The following MSH4 variants were observed in gnomAD, a reference collection of about 807,000 sequenced individuals.
The protein encoded by MSH4 is mutS protein homolog 4.
MSH4 carries 106 observed loss-of-function variants against 113.7 expected under a neutral mutation model. That is an observed-to-expected ratio of 0.93 (90% CI 0.80 to 1.10). The LOEUF is 1.10. MSH4 is among the 50% of genes least tolerant of loss of function. MSH4 has a pLI of 0.00. For synonymous variants in MSH4, 368 were observed against 380.2 expected (o/e 0.97, Z 0.37); for missense variants, 1,061 against 1,093.7 (o/e 0.97, Z 0.42).
At chr1:75,799,233 T>C (rs893580987) in intron 1 of MSH4, among the ~76,000 whole-genome samples, 1 of 152,194 alleles carries the variant, frequency 6.6e-6, no homozygotes, top group African/African-American at 2.4e-5. Context: ...GGCTTCTTAC[T>C]AGGCAGACGG....
At chr1:75,843,698 G>A (rs1281711926) in intron 7 of MSH4, among the ~76,000 whole-genome samples, 1 of 152,074 alleles carries the variant, frequency 6.6e-6, no homozygotes. Flanking sequence ...AATTACCATA[G>A]AAACAGAAAA....
intron 9 of MSH4, among the ~76,000 whole-genome samples, chr1:75,876,201 G>A (rs942223973): frequency 6.6e-6 from 1 of 152,108 alleles, no homozygotes; most frequent in African/African-American, 2.4e-5. Context: ...TTAAGTCGGG[G>A]TTGGGGAAGG....
chr1:75,811,627 C>T (rs1479383594), intron 4 of MSH4, among the ~76,000 whole-genome samples: 1 of 152,208 alleles, frequency 6.6e-6, no homozygotes, highest in African/African-American at 2.4e-5. Flanking sequence ...TAGTGTCTAT[C>T]TGTAGGACTG....
At chr1:75,904,769 CATT>C (rs1041382545) in intron 19 of MSH4, among the ~76,000 whole-genome samples, 1 of 151,996 alleles carries the variant, frequency 6.6e-6, no homozygotes, top group African/African-American at 2.4e-5. Flanking sequence ...ACTTCAATCT[CATT>C]ATTCATTATA....
At chr1:75,822,060 T>C (rs1167976168) in intron 6 of MSH4, among the ~76,000 whole-genome samples, 1 of 152,052 alleles carries the variant, frequency 6.6e-6, no homozygotes, top group Non-Finnish European at 1.5e-5. Flanking sequence ...GGCAGGCGGA[T>C]CACAAGGTCA....
chr1:75,906,979 G>A (rs185551914), intron 19 of MSH4, among the ~76,000 whole-genome samples: 14 of 151,748 alleles, frequency 9.2e-5, no homozygotes, highest in South Asian at 4.2e-4. Context: ...GACTACAGGC[G>A]CCCACCACCA....
intron 9 of MSH4, among the ~76,000 whole-genome samples, chr1:75,873,495 T>C (rs898293886): frequency 9.9e-5 from 15 of 152,232 alleles, no homozygotes; most frequent in African/African-American, 3.6e-4. Context: ...GTTGTACAGA[T>C]TATTTCACCA....
At chr1:75,869,262 G>A (rs1265257769) in intron 9 of MSH4, among the ~76,000 whole-genome samples, 1 of 152,120 alleles carries the variant, frequency 6.6e-6, no homozygotes, top group East Asian at 1.9e-4. Flanking sequence ...TTGAGAGAGA[G>A]GGTATCCAGG....
At chr1:75,867,368 G>T (rs1651608758) in intron 8 of MSH4, 146 bp from the exon 9 acceptor site, 3 of 554,006 alleles carry the variant, frequency 5.4e-6, no homozygotes, top group Non-Finnish European at 9.4e-6. Context: ...CAATAATTTT[G>T]TATCATTCTT....
intron 6 of MSH4, among the ~76,000 whole-genome samples, chr1:75,820,820 AATG>A (rs1197913390): frequency 2.0e-5 from 3 of 152,080 alleles, no homozygotes; most frequent in Non-Finnish European, 2.9e-5. Flanking sequence ...GCCATTACAT[AATG>A]GTAAAGGGAT....
intron 19 of MSH4, among the ~76,000 whole-genome samples, chr1:75,906,625 A>G (rs1376310238): frequency 8.0e-6 from 1 of 124,418 alleles, no homozygotes; most frequent in East Asian, 2.2e-4. Flanking sequence ...AAAATATTTT[A>G]TAGCTATAAC....
Position 75,856,355 on chromosome 1 carries a change from G to T in MSH4, c.1230+8079G>T, listed in dbSNP as rs138773632. ...GCAGAACGTGCAGTTTTGTTACATAGGTATACACGTGCCATGGTGGTTTGC... is the reference window on the plus strand; with the variant it reads ...GCAGAACGTGCAGTTTTGTTACATATGTATACACGTGCCATGGTGGTTTGC... On this transcript the variant is annotated intron_variant, in intron 8 of 19. Transcript: ENST00000263187. Among the ~76,000 whole-genome samples, 1,139 of 152,090 alleles carry T rather than the reference G, an allele frequency of 7.5e-3. 10 individuals carry two copies. Among genetic ancestry groups the T allele is most frequent in the African/African-American group, 0.026 (1,092 of 41,472 alleles).
At chr1:75,858,725 C>G (rs1187350031) in intron 8 of MSH4, among the ~76,000 whole-genome samples, 1 of 152,102 alleles carries the variant, frequency 6.6e-6, no homozygotes, top group Non-Finnish European at 1.5e-5. Flanking sequence ...GCCTAAAATT[C>G]TCTTTTTTTC....
intron 13 of MSH4, 127 bp downstream of exon 13, chr1:75,880,280 A>G (rs1651902745): frequency 5.2e-6 from 3 of 578,662 alleles, no homozygotes; most frequent in Non-Finnish European, 9.0e-6. Context: ...TAGCAAAGGA[A>G]GTCTGTCTTT....
rs746221957 is a variant in MSH4, at chr1:75,822,570, G to C, written c.1151G>C (p.Gly384Ala). ...ELLQDEELFF[G>A]LQSVISRFLD... is the part of the protein sequence containing the mutation. The stretch of plus-strand genomic sequence containing the variant: ...CTTCAAGATGAGGAACTATTTTTTG[G>C]ACTTCAATCAGGTAAATCAATATTA... The change falls in exon 7 of 20, where the codon GGA (glycine) becomes GCA (alanine). Residue 384 changes from glycine to alanine, a missense_variant. Coordinates refer to ENST00000263187, the MANE Select transcript of MSH4 (RefSeq NM_002440.4). 1.3e-6 allele frequency: 2 copies of C among 1,500,958 alleles called. No homozygotes were observed. The highest frequency in any genetic ancestry group is 1.8e-6 in the Non-Finnish European group (2 of 1,125,330). The allele number at this position is 1,500,958 out of a possible 1,614,324, so 93.0% of individuals were successfully genotyped here.
intron 19 of MSH4, among the ~76,000 whole-genome samples, chr1:75,905,683 T>C (rs1180904890): frequency 6.6e-6 from 1 of 152,154 alleles, no homozygotes; most frequent in African/African-American, 2.4e-5. Context: ...GCAGTCTATA[T>C]TTCTCTTTAT....
At chr1:75,903,264 G>A (rs951165545) in intron 19 of MSH4, among the ~76,000 whole-genome samples, 5 of 151,814 alleles carry the variant, frequency 3.3e-5, no homozygotes, top group African/African-American at 4.8e-5. Context: ...TCTATATATA[G>A]TTATCTATTT....
At chr1:75,828,345 G>C (rs2100527182) in intron 7 of MSH4, among the ~76,000 whole-genome samples, 1 of 152,208 alleles carries the variant, frequency 6.6e-6, no homozygotes, top group East Asian at 1.9e-4. Context: ...CTCCCAAAAA[G>C]ACACCTGCAC....
intron 17 of MSH4, among the ~76,000 whole-genome samples, chr1:75,892,475 G>C (rs775363806): frequency 1.3e-5 from 2 of 151,528 alleles, no homozygotes; most frequent in African/African-American, 2.4e-5. Flanking sequence ...ACAAATCTTG[G>C]TTCTGGTATG....
Sources: allele counts gnomAD v4.1 joint callset (sites outside exome capture counted in the v4.1 genomes callset), GRCh38; gene constraint gnomAD v4.1.1; transcripts MANE v1.5; gene names NCBI Gene and HGNC (gene_info 2026-07-23, HGNC 2026-07-21).